DHCR7: variants seen among roughly 807,000 people sequenced by gnomAD.
DHCR7 encodes 7-dehydrocholesterol reductase, also known as 7-DHC reductase.
DHCR7 carries 40 observed loss-of-function variants against 43.3 expected under a neutral mutation model. The ratio of observed to expected loss-of-function variants is 0.92; its 90% CI spans 0.72 to 1.20. The LOEUF is 1.20. Ranked by LOEUF, DHCR7 falls within the 50% of genes most tolerant of loss-of-function variation. The pLI, the probability that DHCR7 is intolerant of heterozygous loss-of-function variation, is 0.00. For missense variants in DHCR7, 608 were observed against 644.6 expected (o/e 0.94, Z 0.62); for synonymous variants, 298 against 271.4 (o/e 1.10, Z -0.96).
At position 71,444,862 on chromosome 11, in the gene DHCR7, G is replaced by T. The variant is rs367585401; in HGVS notation, c.91C>A (p.Arg31Ser). Residue 31 changes from arginine (R) to serine (S), a missense_variant, in exon 3 of 9, where the codon CGT becomes AGT. Arg to Ser is a moderately radical substitution (Grantham distance 110). Transcript: ENST00000355527. ...AACAGGCAAGATCCTTACCAGGCAC[G>T]GCCCCACTGCCCTTGAGATGCGGTT... ...DRTASQGQWG[R>S]AWEVDWFSLA... 1.2e-6 allele frequency: 2 copies of T among 1,613,950 alleles called. No individual in the cohort carries two copies. The highest frequency in any genetic ancestry group is 1.7e-5 in the Admixed American group (1 of 60,022).
Position 71,437,935 on chromosome 11 carries a change from G to A in DHCR7, c.840C>T (p.Tyr280=), listed in dbSNP as rs148468879. The change falls in exon 8 of 9, where the codon TAC becomes TAT. Residue 280 remains tyrosine (Y), a synonymous_variant. Coordinates refer to ENST00000355527, the MANE Select transcript of DHCR7 (RefSeq NM_001360.3). ...TTTCGTTCCAGAAGAAGTCAATCAC[G>A]TAGATGGCCTGCAAGACAGAAGCAG... ...MVLVNVLQAI[Y]VIDFFWNETW... 1.5e-4 allele frequency: 244 copies of A among 1,613,326 alleles called. No homozygotes were observed. The highest frequency in any genetic ancestry group is 4.9e-4 in the East Asian group (22 of 44,878).
intron 8 of DHCR7, chr11:71,436,066 T>C (rs1050628193): frequency 6.1e-5 from 36 of 588,660 alleles, no homozygotes; most frequent in African/African-American, 5.2e-4. Context: ...TATGTGTGTG[T>C]GTATATATAC....
chr11:71,430,041 C>T (rs1291131961), downstream of DHCR7, among the ~76,000 whole-genome samples: 3 of 152,138 alleles, frequency 2.0e-5, no homozygotes, highest in Admixed American at 6.5e-5. Context: ...ATTTGGAGAC[C>T]AAGGTTTGGG....
chr11:71,435,713 T>C lies in DHCR7; in HGVS notation c.1090A>G (p.Thr364Ala), dbSNP rs1085307925. ...ANHQKDLFRR[T>A]DGRCLIWGRK... ...CCCCAGATGAGGCAGCGCCCATCCG[T>C]GCGGCGGAACAGGTCCTTCTGGTGG... The change falls in exon 9 of 9, where the codon ACG becomes GCG. Residue 364 changes from threonine (T) to alanine (A), a missense_variant. Coordinates refer to ENST00000355527, the MANE Select transcript of DHCR7 (RefSeq NM_001360.3). 1.9e-6 allele frequency: 3 copies of C among 1,612,976 alleles called. No individual in the cohort carries two copies. The Admixed American group carries it at 5.0e-5, about 27-fold the overall frequency.
intron 5 of DHCR7, among the ~76,000 whole-genome samples, chr11:71,441,806 A>C (rs1488460029): frequency 2.0e-5 from 3 of 152,158 alleles, no homozygotes; most frequent in Non-Finnish European, 4.4e-5. Context: ...ACCTCAGCCC[A>C]TCCACCCCTC....
chr11:71,438,047 G>A, intron 7 of DHCR7, 104 bp from the exon 8 acceptor site: 1 of 1,380,910 alleles, frequency 7.2e-7, no homozygotes, highest in Admixed American at 1.7e-5. Flanking sequence ...GTGCTCGGGA[G>A]CTGCTCAGCA....
intron 2 of DHCR7, among the ~76,000 whole-genome samples, chr11:71,445,759 C>T (rs887242835): frequency 2.0e-5 from 3 of 152,292 alleles, no homozygotes; most frequent in African/African-American, 2.4e-5. Context: ...AGTGACATCC[C>T]CACTTCCAGA....
In DHCR7 at chr11:71,444,952, TTGG is replaced by T. The variant is rs1192476514; in HGVS notation, c.-3_-1del. On this transcript the variant is annotated 5_prime_UTR_variant, in exon 3 of 9. Coordinates refer to ENST00000355527, the MANE Select transcript of DHCR7 (RefSeq NM_001360.3). ...ATGTTGGGTTGCGATTTTGCAGCCA[TTGG>T]GCCCTGCAAGAAAGAGAACCTTGCT... is the stretch of plus-strand genomic sequence containing the variant. The T allele has an allele frequency of 6.8e-6, 11 of 1,613,906 alleles. No homozygotes were observed. Among genetic ancestry groups the T allele is most frequent in the Non-Finnish European group, 9.3e-6 (11 of 1,179,864 alleles).
Position 71,435,397 on chromosome 11 carries a change from C to A in DHCR7, c.1406G>T (p.Arg469Leu), listed in dbSNP as rs201150384. Residue 469 changes from arginine to leucine, a missense_variant, in exon 9 of 9, where the codon CGC becomes CTC. Transcript: ENST00000355527. ...CCCTTAGAAGATTCCAGGCAGCAGG[C>A]GGTAAGGCACTGCGGCGGTGTAGCG... is the stretch of plus-strand genomic sequence containing the variant. The part of the protein sequence containing the change: ...WERYTAAVPY[R>L]LLPGIF The A allele has an allele frequency of 6.2e-7, 1 of 1,612,244 alleles. No individual in the cohort carries two copies. Among genetic ancestry groups the A allele is most frequent in the Non-Finnish European group, 8.5e-7 (1 of 1,179,998 alleles).
chr11:71,446,069 G>A (rs1949400171), intron 2 of DHCR7, among the ~76,000 whole-genome samples: 1 of 152,134 alleles, frequency 6.6e-6, no homozygotes, highest in South Asian at 2.1e-4. Flanking sequence ...GTCCCAAGAG[G>A]ACAGCTATGC....
chr11:71,435,096 T>C lies in DHCR7; in HGVS notation c.*279A>G. 1.6e-6 allele frequency: 1 copy of C among 636,618 alleles called. No homozygotes were observed. 39.4% of individuals were successfully genotyped at this position (636,618 alleles called of 1,614,324 possible). A position where few individuals can be genotyped will look rare whatever the true frequency, so the allele number is the denominator to read the frequency against. On this transcript the variant is annotated 3_prime_UTR_variant, in exon 9 of 9. Transcript: ENST00000355527. ...AGGTAAATTGTCTCCAAAGGACTAG[T>C]AAAGGTGACTGGGTCATCCTCCTGC...
downstream of DHCR7, chr11:71,428,137 T>A (rs1371521200): frequency 6.6e-6 from 1 of 152,216 alleles, no homozygotes; most frequent in East Asian, 1.9e-4. Flanking sequence ...GCTAATTTAC[T>A]TATTTCTTCC....
intron 3 of DHCR7, 127 bp downstream of exon 3, chr11:71,444,721 ATTAGTCT>A (rs1648028568): frequency 4.2e-6 from 3 of 720,920 alleles, no homozygotes; most frequent in Non-Finnish European, 7.3e-6. Flanking sequence ...TTTACCTTTC[ATTAGTCT>A]TGACAAAAAA....
At chr11:71,437,371 T>A (rs1471376586) in intron 8 of DHCR7, among the ~76,000 whole-genome samples, 5 of 152,068 alleles carry the variant, frequency 3.3e-5, no homozygotes, top group Non-Finnish European at 5.9e-5. Flanking sequence ...AGCCCAGCAC[T>A]CTCCCCAAAT....
intron 8 of DHCR7, 66 bp from the exon 9 acceptor site, chr11:71,435,905 G>C (rs769884600): frequency 1.5e-6 from 2 of 1,377,954 alleles, no homozygotes; most frequent in Non-Finnish European, 2.0e-6. Context: ...GTGTGGGCTC[G>C]GGGGCCCAGC....
chr11:71,444,260 T>A, intron 3 of DHCR7, 45 bp from the exon 4 acceptor site: 1 of 1,501,576 alleles, frequency 6.7e-7, no homozygotes, highest in Non-Finnish European at 9.1e-7. Context: ...CCATCTGCCC[T>A]GGGCCCCACC....
At chr11:71,430,544 T>TG (rs1384851993), downstream of DHCR7, among the ~76,000 whole-genome samples, 1 of 152,206 alleles carries the variant, frequency 6.6e-6, no homozygotes, top group Non-Finnish European at 1.5e-5. Context: ...CCTTGTCATG[T>TG]GGGGTGGCTG....
Position 71,435,296 on chromosome 11 carries a change from G to A in DHCR7, c.*79C>T, listed in dbSNP as rs1949260092. The A allele has an allele frequency of 5.4e-6, 8 of 1,475,836 alleles. No homozygotes were observed. Among genetic ancestry groups the A allele is most frequent in the Non-Finnish European group, 7.5e-6 (8 of 1,065,458 alleles). The allele number at this position is 1,475,836 out of a possible 1,614,324, so 91.4% of individuals were successfully genotyped here. A position where few individuals can be genotyped will look rare whatever the true frequency, so the allele number is the denominator to read the frequency against. On this transcript the variant is annotated 3_prime_UTR_variant, in exon 9 of 9. Transcript: ENST00000355527. ...GAGGAAACTGAGGCTCCTCGAGTTG[G>A]AGCTGGGATGCCAGCCCCCATGGAC...
chr11:71,441,205 G>A, intron 6 of DHCR7, 22 bp downstream of exon 6: 2 of 1,611,668 alleles, frequency 1.2e-6, no homozygotes, highest in Non-Finnish European at 1.7e-6. Flanking sequence ...ACATCAGGCT[G>A]GACCCGCTGC....
Sources: gnomAD v4.1 joint callset for allele counts (sites outside exome capture counted in the v4.1 genomes callset) on GRCh38, gnomAD v4.1.1 for gene constraint, MANE v1.5 for transcripts, NCBI Gene and HGNC (gene_info 2026-07-23, HGNC 2026-07-21) for gene names.